Variants in ARHGEF3 observed in about 807,000 individuals in gnomAD.
ARHGEF3 encodes 59.8 kDA protein.
Under a neutral mutation model 63.2 loss-of-function variants are expected in ARHGEF3, and 28 were observed. The observed-to-expected ratio is 0.44, with a 90% confidence interval of 0.33 to 0.61. The LOEUF (loss-of-function observed/expected upper bound fraction) is 0.61. Among genes scored for constraint, ARHGEF3 ranks in the 20% least tolerant of loss-of-function variants. The pLI is 0.03. For missense variants in ARHGEF3, 533 were observed against 659.3 expected, an observed-to-expected ratio of 0.81 and a Z score of 2.10; for synonymous variants, 266 against 254.2, an observed-to-expected ratio of 1.05 and a Z score of -0.44.
At chr3:56,960,385 T>C (rs574536223) in intron 2 of ARHGEF3, among the ~76,000 whole-genome samples, 1 of 152,262 alleles carries the variant, frequency 6.6e-6, no homozygotes, top group South Asian at 2.1e-4. Flanking sequence ...AATACCATGG[T>C]GTTTATTAGC....
chr3:56,885,743 T>C (rs1421764124), intron 3 of ARHGEF3, among the ~76,000 whole-genome samples: 1 of 152,308 alleles, frequency 6.6e-6, no homozygotes, highest in African/African-American at 2.4e-5. Context: ...AATTCAGCCA[T>C]AGACAGTCAA....
intron 3 of ARHGEF3, among the ~76,000 whole-genome samples, chr3:56,894,605 C>T (rs577810479): frequency 6.6e-5 from 10 of 151,962 alleles, no homozygotes; most frequent in Admixed American, 2.0e-4. Context: ...GCCTGGGTGA[C>T]GTGGCAAGAC....
At chr3:56,863,443 G>T (rs2108198742) in intron 4 of ARHGEF3, among the ~76,000 whole-genome samples, 1 of 152,286 alleles carries the variant, frequency 6.6e-6, no homozygotes. Flanking sequence ...GGGATTACAG[G>T]TGTGTGCCAC....
At chr3:56,955,858 T>C (rs1306723209) in intron 3 of ARHGEF3, among the ~76,000 whole-genome samples, 1 of 152,240 alleles carries the variant, frequency 6.6e-6, no homozygotes, top group African/African-American at 2.4e-5. Context: ...TTCCACTTGG[T>C]TGGGTTCCCT....
intron 4 of ARHGEF3, among the ~76,000 whole-genome samples, chr3:56,856,457 CTTTCA>C (rs1578687257): frequency 1.3e-5 from 2 of 152,220 alleles, no homozygotes; most frequent in Non-Finnish European, 2.9e-5. Flanking sequence ...CTGACACTGT[CTTTCA>C]TTTATGTTTT....
intron 3 of ARHGEF3, among the ~76,000 whole-genome samples, chr3:56,924,229 C>T (rs2042222137): frequency 1.3e-5 from 2 of 152,190 alleles, no homozygotes; most frequent in South Asian, 4.1e-4. Flanking sequence ...AGTTCCTAGC[C>T]TCTCATCACA....
At chr3:56,766,072 G>A (rs2035688653) in intron 2 of ARHGEF3, among the ~76,000 whole-genome samples, 1 of 151,646 alleles carries the variant, frequency 6.6e-6, no homozygotes. Flanking sequence ...TTATCAACTG[G>A]GACAGTGGTT....
intron 4 of ARHGEF3, among the ~76,000 whole-genome samples, chr3:56,870,849 C>T (rs190609277): frequency 4.3e-4 from 66 of 151,946 alleles, no homozygotes; most frequent in Middle Eastern, 3.4e-3. Context: ...CTTTTGCTTT[C>T]GGAGGATGCC....
chr3:57,074,124 TTGTGGAGACTGTGTGAGGATATA>T, intron 1 of ARHGEF3: 1 of 1,613,664 alleles, frequency 6.2e-7, no homozygotes, highest in Non-Finnish European at 8.5e-7. Flanking sequence ...CACAGGATGG[TTGTGGAGACTGTGTGAGGATATA>T]GATGCCGAGC....
intron 1 of ARHGEF3, chr3:56,775,735 A>G: frequency 1.8e-5 from 18 of 976,280 alleles, no homozygotes; most frequent in Non-Finnish European, 2.2e-5. Context: ...GGAGGGTTTA[A>G]AACATTTTTT....
chr3:56,997,398 C>G (rs1363362724), intron 2 of ARHGEF3, among the ~76,000 whole-genome samples: 2 of 152,092 alleles, frequency 1.3e-5, no homozygotes, highest in Non-Finnish European at 2.9e-5. Context: ...GCCCAGGGAT[C>G]AGGTGGAGGG....
intron 3 of ARHGEF3, among the ~76,000 whole-genome samples, chr3:56,908,598 G>C (rs1223840141): frequency 6.6e-6 from 1 of 152,166 alleles, no homozygotes; most frequent in Non-Finnish European, 1.5e-5. Flanking sequence ...TTTGCAACAT[G>C]ATCCATAAAA....
chr3:56,736,900 C>G (rs913556343), intron 8 of ARHGEF3, among the ~76,000 whole-genome samples: 1 of 152,090 alleles, frequency 6.6e-6, no homozygotes, highest in Admixed American at 6.6e-5. Context: ...TGAGACCACC[C>G]TGGCCAACGT....
chr3:57,073,036 ACT>A (rs1198327193), intron 1 of ARHGEF3, among the ~76,000 whole-genome samples: 2 of 152,176 alleles, frequency 1.3e-5, no homozygotes, highest in East Asian at 1.9e-4. Context: ...ACAGAGTGAG[ACT>A]CTGTCTCAAA....
intron 3 of ARHGEF3, among the ~76,000 whole-genome samples, chr3:56,935,415 C>CTT (rs2042535130): frequency 6.6e-6 from 1 of 151,890 alleles, no homozygotes; most frequent in African/African-American, 2.4e-5. Context: ...TAGCCAGCAG[C>CTT]GGCAACCCGC....
chr3:56,882,324 C>A (rs1337871524), exon 4 of ARHGEF3: 1 of 1,551,832 alleles, frequency 6.4e-7, no homozygotes, highest in Non-Finnish European at 8.7e-7. Context: ...CTAACAGCAT[C>A]TTCATCTTGG....
At chr3:56,952,343 T>C (rs1353324371) in intron 3 of ARHGEF3, among the ~76,000 whole-genome samples, 2 of 152,142 alleles carry the variant, frequency 1.3e-5, no homozygotes, top group African/African-American at 4.8e-5. Flanking sequence ...AACTGAATTC[T>C]TCCAACAGCC....
chr3:56,796,739 C>T (rs2037388952), intron 1 of ARHGEF3, among the ~76,000 whole-genome samples: 1 of 152,196 alleles, frequency 6.6e-6, no homozygotes, highest in African/African-American at 2.4e-5. Context: ...TGGAAAAGTA[C>T]AGACTTCAGG....
intron 2 of ARHGEF3, among the ~76,000 whole-genome samples, chr3:56,986,716 G>A (rs925624572): frequency 6.6e-6 from 1 of 151,936 alleles, no homozygotes; most frequent in Non-Finnish European, 1.5e-5. Flanking sequence ...CTCGAAGGCA[G>A]TTTCAGGGTA....
Sources: allele counts gnomAD v4.1 joint callset (sites outside exome capture counted in the v4.1 genomes callset), GRCh38; gene constraint gnomAD v4.1.1; transcripts MANE v1.5; gene names NCBI Gene and HGNC (gene_info 2026-07-23, HGNC 2026-07-21).